Variants in CUBN observed in about 807,000 individuals in gnomAD.
CUBN encodes the protein 460 kDa receptor.
A neutral mutation model predicts 405.3 loss-of-function variants in CUBN; 282 were observed. The ratio of observed to expected loss-of-function variants is 0.70; its 90% CI spans 0.63 to 0.77. CUBN has a LOEUF of 0.77. Among genes scored for constraint, CUBN ranks in the 30% least tolerant of loss-of-function variants. The pLI is 0.00. For missense variants in CUBN, 4,514 were observed against 4,475.2 expected (o/e 1.01, Z -0.25); for synonymous variants, 1,684 against 1,617.0 (o/e 1.04, Z -0.99).
At chr10:16,862,452 A>G (rs1347417338) in intron 59 of CUBN, among the ~76,000 whole-genome samples, 1 of 152,170 alleles carries the variant, frequency 6.6e-6, no homozygotes. Context: ...TACATCTGGT[A>G]GGGCACAGGT....
At chr10:17,083,021 A>C (rs1307459533) in intron 17 of CUBN, among the ~76,000 whole-genome samples, 1 of 152,122 alleles carries the variant, frequency 6.6e-6, no homozygotes, top group Non-Finnish European at 1.5e-5. Flanking sequence ...GCACTCTCTA[A>C]TTGAAAGCTA....
At chr10:16,875,119 A>G (rs1180326228) in intron 57 of CUBN, among the ~76,000 whole-genome samples, 3 of 151,972 alleles carry the variant, frequency 2.0e-5, no homozygotes, top group African/African-American at 7.2e-5. Context: ...TTGTATTAAT[A>G]TCACTGATCC....
At chr10:16,859,485 T>C (rs1469763538) in intron 59 of CUBN, among the ~76,000 whole-genome samples, 1 of 152,126 alleles carries the variant, frequency 6.6e-6, no homozygotes, top group East Asian at 1.9e-4. Context: ...TACAATGAGA[T>C]GACCAGGGGA....
intron 64 of CUBN, 76 bp downstream of exon 64, chr10:16,834,938 G>T: frequency 1.5e-6 from 2 of 1,334,448 alleles, no homozygotes; most frequent in Non-Finnish European, 2.1e-6. Context: ...AGCAGCACTA[G>T]ATAAAAGGTG....
At chr10:17,029,553 A>C (rs1337639298) in intron 27 of CUBN, among the ~76,000 whole-genome samples, 7 of 152,234 alleles carry the variant, frequency 4.6e-5, no homozygotes, top group African/African-American at 1.7e-4. Flanking sequence ...TCAAGTTATA[A>C]ATTGAAATGT....
chr10:16,850,390 T>G (rs1181174308), intron 60 of CUBN, among the ~76,000 whole-genome samples: 1 of 152,234 alleles, frequency 6.6e-6, no homozygotes, highest in Non-Finnish European at 1.5e-5. Context: ...AATCTGAACC[T>G]ATATAACCTG....
At chr10:17,093,995 A>G (rs1836320893) in intron 14 of CUBN, among the ~76,000 whole-genome samples, 1 of 152,136 alleles carries the variant, frequency 6.6e-6, no homozygotes, top group Non-Finnish European at 1.5e-5. Context: ...TGGCAATGCA[A>G]TATTTGAAAA....
At chr10:17,103,573 G>C (rs1321039734) in intron 12 of CUBN, among the ~76,000 whole-genome samples, 1 of 152,162 alleles carries the variant, frequency 6.6e-6, no homozygotes, top group African/African-American at 2.4e-5. Context: ...TCTCCCATTG[G>C]GGTTGGTCTT....
intron 1 of CUBN, 135 bp downstream of exon 1, chr10:17,129,508 TA>T: frequency 8.4e-7 from 1 of 1,185,654 alleles, no homozygotes; most frequent in Non-Finnish European, 1.3e-6. Context: ...TACCTCAGTC[TA>T]AATGTTTTTC....
chr10:16,848,308 T>C (rs889908916), intron 60 of CUBN, among the ~76,000 whole-genome samples: 24 of 152,196 alleles, frequency 1.6e-4, no homozygotes, highest in Non-Finnish European at 2.8e-4. Context: ...TGTAATTTTA[T>C]ATGCAAATCC....
At chr10:16,834,291 G>A (rs1348244575) in intron 64 of CUBN, among the ~76,000 whole-genome samples, 1 of 152,118 alleles carries the variant, frequency 6.6e-6, no homozygotes, top group African/African-American at 2.4e-5. Context: ...CACAGAGGGA[G>A]CTCATCGGGG....
Position 16,903,971 on chromosome 10 carries a change from A to T in CUBN, c.8057T>A (p.Phe2686Tyr). ...EHIGFHAKYS[F>Y]TDCGGIQIGD... ...ATCTTAATTATAATTCTTACCTGTA[A>T]AGGAATACTTTGCATGGAATCCAAT... The change falls in exon 51 of 67, where the codon TTT (phenylalanine) becomes TAT (tyrosine). Residue 2686 changes from phenylalanine (F) to tyrosine (Y), a missense_variant. Around this residue, in one of 5 missense-constraint regions of CUBN, gnomAD observed 1,186 missense variants for 1,186.9 expected, o/e 1.00. Coordinates refer to ENST00000377833, the MANE Select transcript of CUBN (RefSeq NM_001081.4). The T allele has an allele frequency of 6.2e-7, 1 of 1,605,522 alleles. No individual in the cohort carries two copies. Among genetic ancestry groups the T allele is most frequent in the Non-Finnish European group, 8.5e-7 (1 of 1,173,642 alleles).
intron 28 of CUBN, among the ~76,000 whole-genome samples, chr10:17,004,534 T>C (rs1291730515): frequency 2.0e-5 from 3 of 152,200 alleles, no homozygotes; most frequent in Non-Finnish European, 4.4e-5. Context: ...GGATTTCCTA[T>C]CTATGAATAA....
rs752695862 is a variant in CUBN at position 16,949,991 on chromosome 10, G to A, written c.5080+10C>T. On this transcript the variant is annotated intron_variant, in intron 34 of 66. Coordinates refer to ENST00000377833, the MANE Select transcript of CUBN (RefSeq NM_001081.4). ...AGACCACAGATGTAGATGAGTGAAC[G>A]CTGAGGTACCTCGGAGGGGCGCGTC... is the stretch of plus-strand genomic sequence containing the variant. 7.5e-6 allele frequency: 12 copies of A among 1,597,736 alleles called. No homozygotes were observed. The highest frequency in any genetic ancestry group is 1.7e-5 in the Admixed American group (1 of 59,912).
At chr10:16,849,830 C>T (rs1481952230) in intron 60 of CUBN, among the ~76,000 whole-genome samples, 5 of 152,156 alleles carry the variant, frequency 3.3e-5, no homozygotes, top group South Asian at 2.1e-4. Flanking sequence ...TCAGGTTAGT[C>T]TTCCCTAGCT....
rs537947954 is a variant in CUBN at position 16,838,488 on chromosome 10, C to G, written c.10032+1842G>C. 2.7e-3 allele frequency among the ~76,000 whole-genome samples: 414 copies of G among 152,300 alleles called. 4 individuals carry two copies. Among genetic ancestry groups the G allele is most frequent in the African/African-American group, 9.2e-3 (384 of 41,566 alleles). ...CCTTTGCATATTTTCCCCAGATAAT[C>G]TCATTCTTCTCATTTTTCAATTACC... On this transcript the variant is annotated intron_variant, in intron 62 of 66. Coordinates refer to ENST00000377833, the MANE Select transcript of CUBN (RefSeq NM_001081.4).
intron 23 of CUBN, among the ~76,000 whole-genome samples, chr10:17,046,520 T>A (rs1429448638): frequency 6.6e-6 from 1 of 152,150 alleles, no homozygotes; most frequent in Non-Finnish European, 1.5e-5. Flanking sequence ...ATATATCATA[T>A]TTGATATACT....
At chr10:17,020,707 G>A (rs1241281692) in intron 27 of CUBN, among the ~76,000 whole-genome samples, 2 of 152,026 alleles carry the variant, frequency 1.3e-5, no homozygotes, top group Non-Finnish European at 2.9e-5. Context: ...GTATTTAATT[G>A]TGTTTCTTGT....
intron 59 of CUBN, among the ~76,000 whole-genome samples, chr10:16,855,896 T>C (rs956564502): frequency 3.9e-5 from 6 of 152,228 alleles, no homozygotes; most frequent in African/African-American, 1.4e-4. Context: ...ATTGCTCTAA[T>C]TCCCCCTCTT....
Sources: gnomAD v4.1 joint callset for allele counts (sites outside exome capture counted in the v4.1 genomes callset) on GRCh38, gnomAD v4.1.1 for gene constraint, gnomAD v4.1.1 regional missense constraint, MANE v1.5 for transcripts, NCBI Gene and HGNC (gene_info 2026-07-23, HGNC 2026-07-21) for gene names.